Variants in TPRG1 observed in about 807,000 individuals in gnomAD.
TPRG1 encodes the protein tumor protein p63-regulated gene 1 protein.
A neutral mutation model predicts 29.3 loss-of-function variants in TPRG1; 29 were observed. That is an observed-to-expected ratio of 0.99 (90% confidence interval 0.74 to 1.35). The LOEUF (loss-of-function observed/expected upper bound fraction) is 1.35, where lower values mean the gene tolerates loss of function less well. Among genes scored for constraint, TPRG1 ranks in the 40% most tolerant of loss-of-function variants. The pLI is 0.00. For synonymous variants in TPRG1, 130 were observed against 116.8 expected, an observed-to-expected ratio of 1.11 and a Z score of -0.73; for missense variants, 327 against 335.0, an observed-to-expected ratio of 0.98 and a Z score of 0.19.
upstream of TPRG1, among the ~76,000 whole-genome samples, chr3:189,168,708 T>C (rs1374462576): frequency 2.0e-5 from 3 of 152,232 alleles, no homozygotes; most frequent in East Asian, 5.8e-4. Context: ...CAAAAGCTGC[T>C]GCCAGTATCT....
intron 5 of TPRG1, chr3:189,315,404 A>G (rs759312599): frequency 7.1e-6 from 3 of 424,994 alleles, no homozygotes; most frequent in Non-Finnish European, 1.4e-5. Flanking sequence ...ACCTGGCTCA[A>G]TTATCCTCAA....
chr3:189,197,287 A>G (rs1409492147), intron 1 of TPRG1, among the ~76,000 whole-genome samples: 4 of 152,180 alleles, frequency 2.6e-5, no homozygotes, highest in African/African-American at 4.8e-5. Flanking sequence ...GTTCATCTGT[A>G]TATGGAGAAA....
intron 1 of TPRG1, among the ~76,000 whole-genome samples, chr3:189,116,238 C>T (rs747892624): frequency 1.2e-4 from 18 of 152,124 alleles, no homozygotes; most frequent in Middle Eastern, 3.4e-3. Context: ...TGTGCAGTGG[C>T]GTGATCTCGG....
intron 4 of TPRG1, among the ~76,000 whole-genome samples, chr3:189,305,087 C>T (rs918235121): frequency 2.6e-5 from 4 of 152,128 alleles, no homozygotes; most frequent in Admixed American, 2.0e-4. Context: ...TGAAAGCTGC[C>T]ATCTTTCCTT....
intron 1 of TPRG1, among the ~76,000 whole-genome samples, chr3:189,106,816 C>T (rs1719883350): frequency 1.3e-5 from 2 of 152,004 alleles, no homozygotes; most frequent in African/African-American, 2.4e-5. Context: ...GTCCCAATTT[C>T]CATCTGATGA....
intron 4 of TPRG1, among the ~76,000 whole-genome samples, chr3:189,278,719 C>T (rs1477378091): frequency 6.6e-6 from 1 of 152,164 alleles, no homozygotes; most frequent in Non-Finnish European, 1.5e-5. Context: ...GCTCTATAAA[C>T]TTTGTCTCTC....
At chr3:189,246,308 T>A (rs1195355462) in intron 4 of TPRG1, among the ~76,000 whole-genome samples, 1 of 152,184 alleles carries the variant, frequency 6.6e-6, no homozygotes, top group African/African-American at 2.4e-5. Flanking sequence ...ATTAAACTTT[T>A]TTCTTTATAA....
At chr3:189,153,724 G>A (rs1445709142) in intron 5 of TPRG1, among the ~76,000 whole-genome samples, 1 of 152,224 alleles carries the variant, frequency 6.6e-6, no homozygotes. Flanking sequence ...GCTTCCTTGA[G>A]TCTACCTCAG....
chr3:189,028,770 AT>A (rs1027518553), intron 4 of TPRG1, among the ~76,000 whole-genome samples: 96 of 152,304 alleles, frequency 6.3e-4, no homozygotes, highest in East Asian at 2.1e-3. Flanking sequence ...TAGCATGGTC[AT>A]TTGTCTCTGT....
chr3:189,182,919 CCTCA>C (rs1005067774), intron 1 of TPRG1, among the ~76,000 whole-genome samples: 16 of 152,132 alleles, frequency 1.1e-4, no homozygotes, highest in Admixed American at 2.0e-4. Context: ...ATACCCATCA[CCTCA>C]CTTAGTTATA....
At chr3:189,308,439 A>G (rs1259213715) in intron 4 of TPRG1, among the ~76,000 whole-genome samples, 2 of 152,230 alleles carry the variant, frequency 1.3e-5, no homozygotes, top group African/African-American at 4.8e-5. Context: ...ATCGTCTTTC[A>G]TAGCACTGTG....
chr3:189,220,142 T>A (rs1736729282), intron 3 of TPRG1, among the ~76,000 whole-genome samples: 1 of 152,188 alleles, frequency 6.6e-6, no homozygotes, highest in East Asian at 1.9e-4. Context: ...ATGTCCTTTT[T>A]TGTGTTAAGG....
chr3:189,100,037 C>G (rs542865884), upstream of TPRG1: 1 of 152,154 alleles, frequency 6.6e-6, no homozygotes, highest in Non-Finnish European at 1.5e-5. Context: ...CGAATCAAGA[C>G]GAGAGGACTG....
At chr3:189,191,880 T>G (rs1731749967) in intron 1 of TPRG1, among the ~76,000 whole-genome samples, 1 of 152,212 alleles carries the variant, frequency 6.6e-6, no homozygotes, top group Non-Finnish European at 1.5e-5. Context: ...TATTCGTCAC[T>G]TACTTCTCAG....
At position 189,107,759 on chromosome 3, in the gene TPRG1, A is replaced by T. The variant is rs191709239; in HGVS notation, c.-744+7555A>T. ...TAAATTGATACATAATTTTAAAAGC[A>T]TTATTTACCTTGTAGCCTATCTCTC... is the stretch of plus-strand genomic sequence containing the variant. On this transcript the variant is annotated intron_variant, in intron 1 of 6. Coordinates refer to the TPRG1 transcript ENST00000412373. Among the ~76,000 whole-genome samples, 428 of 152,288 alleles carry T rather than the reference A, an allele frequency of 2.8e-3. 1 individual carries two copies. The highest frequency in any genetic ancestry group is 5.9e-3 in the Admixed American group (90 of 15,288).
intron 4 of TPRG1, among the ~76,000 whole-genome samples, chr3:189,059,844 A>G (rs1477236463): frequency 6.6e-6 from 1 of 152,254 alleles, no homozygotes; most frequent in Admixed American, 6.5e-5. Flanking sequence ...ATACAAATCA[A>G]TAAATGTGAT....
intron 3 of TPRG1, among the ~76,000 whole-genome samples, chr3:189,138,571 T>C (rs1724083445): frequency 6.6e-6 from 1 of 152,038 alleles, no homozygotes; most frequent in African/African-American, 2.4e-5. Flanking sequence ...AGCTGGAGGT[T>C]GGAGAAAGAG....
chr3:189,177,230 T>C (rs1429972646), intron 1 of TPRG1, among the ~76,000 whole-genome samples: 1 of 152,058 alleles, frequency 6.6e-6, no homozygotes, highest in Non-Finnish European at 1.5e-5. Context: ...AAGAGTGGCC[T>C]TTATTTGAGA....
At chr3:189,027,866 C>G (rs1713742097) in intron 4 of TPRG1, among the ~76,000 whole-genome samples, 1 of 152,114 alleles carries the variant, frequency 6.6e-6, no homozygotes. Context: ...AGCATGCATT[C>G]CCTCTTATGC....
Sources: gnomAD v4.1 joint callset for allele counts (sites outside exome capture counted in the v4.1 genomes callset) on GRCh38, gnomAD v4.1.1 for gene constraint, MANE v1.5 for transcripts, NCBI Gene and HGNC (gene_info 2026-07-23, HGNC 2026-07-21) for gene names.